Variants in TMSB15B observed in about 807,000 individuals in gnomAD.
The protein encoded by TMSB15B is thymosin beta-15B.
intron 1 of TMSB15B, among the ~76,000 whole-genome samples, chrX:103,929,852 A>ATTATT (rs782263221): frequency 6.3e-5 from 7 of 110,466 alleles, no homozygotes; most frequent in South Asian, 3.9e-4. Flanking sequence ...ATTTTTAAAA[A>ATTATT]TTATTTTATT....
intron 1 of TMSB15B, among the ~76,000 whole-genome samples, chrX:103,935,363 A>G (rs2074994777): frequency 1.8e-5 from 2 of 111,620 alleles, no homozygotes; most frequent in Admixed American, 1.9e-4. Context: ...CCATTTGTCA[A>G]TTTTGGCTTT....
chrX:103,934,700 A>G (rs782323874), intron 1 of TMSB15B, among the ~76,000 whole-genome samples: 36 of 111,744 alleles, frequency 3.2e-4, no homozygotes, highest in Non-Finnish European at 6.0e-4. Flanking sequence ...ATATTATTCC[A>G]TGGTGTATAT....
intron 1 of TMSB15B, among the ~76,000 whole-genome samples, chrX:103,933,838 T>C (rs2147819641): frequency 9.1e-6 from 1 of 109,830 alleles, no homozygotes; most frequent in East Asian, 2.8e-4. Flanking sequence ...TTCTCTCTTT[T>C]TTTTTTTTTT....
At chrX:103,949,152 G>A (rs1465034378) in intron 1 of TMSB15B, among the ~76,000 whole-genome samples, 1 of 111,125 alleles carries the variant, frequency 9.0e-6, no homozygotes, top group Non-Finnish European at 1.9e-5. Flanking sequence ...TAGCAAGAAG[G>A]CCACAGCTGT....
intron 1 of TMSB15B, among the ~76,000 whole-genome samples, chrX:103,948,868 A>T (rs1414709010): frequency 6.2e-5 from 7 of 112,372 alleles, no homozygotes; most frequent in Non-Finnish European, 1.1e-4. Context: ...GAAGACTGAA[A>T]TAAGATAATT....
intron 1 of TMSB15B, among the ~76,000 whole-genome samples, chrX:103,924,211 TGTG>T (rs1389221695): frequency 1.8e-5 from 2 of 111,204 alleles, no homozygotes; most frequent in African/African-American, 6.6e-5. Context: ...GGAAGACAAA[TGTG>T]GTCCTCATTC....
chrX:103,947,188 A>G (rs2075027778), intron 1 of TMSB15B, among the ~76,000 whole-genome samples: 1 of 112,197 alleles, frequency 8.9e-6, no homozygotes, highest in African/African-American at 3.2e-5. Context: ...AATGTAGCAC[A>G]TAAAGGAGAA....
chrX:103,924,831 G>A (rs1334004091), intron 1 of TMSB15B, among the ~76,000 whole-genome samples: 7 of 111,160 alleles, frequency 6.3e-5, no homozygotes, highest in Middle Eastern at 4.7e-3. Context: ...GGCAGGTCAG[G>A]GTACAGGTGA....
intron 1 of TMSB15B, chrX:103,931,099 A>G (rs1295612051): frequency 1.8e-5 from 2 of 111,646 alleles, no homozygotes; most frequent in Admixed American, 9.6e-5. Context: ...GTCAGACAGC[A>G]TTTGTCACCA....
At chrX:103,949,159 C>A (rs1429765984) in intron 1 of TMSB15B, among the ~76,000 whole-genome samples, 6 of 111,096 alleles carry the variant, frequency 5.4e-5, no homozygotes, top group African/African-American at 2.0e-4. Context: ...AAGGCCACAG[C>A]TGTGGCAGAA....
At chrX:103,921,704 A>G (rs1462881326) in intron 1 of TMSB15B, among the ~76,000 whole-genome samples, 1 of 112,371 alleles carries the variant, frequency 8.9e-6, no homozygotes, top group Non-Finnish European at 1.9e-5. Context: ...AGGTTTAGAG[A>G]TAAAGCTTTC....
intron 1 of TMSB15B, among the ~76,000 whole-genome samples, chrX:103,925,188 A>C (rs1281642226): frequency 1.8e-5 from 2 of 111,834 alleles, no homozygotes; most frequent in Admixed American, 9.5e-5. Context: ...GGTGGGTCTT[A>C]ATGTCCTGGT....
chrX:103,928,032 G>T, intron 1 of TMSB15B: 1 of 652,394 alleles, frequency 1.5e-6, no homozygotes, highest in Non-Finnish European at 2.3e-6. Context: ...GAATTAATTG[G>T]TCGCTCTAAT....
chrX:103,933,677 C>T (rs782211157), intron 1 of TMSB15B, among the ~76,000 whole-genome samples: 1 of 111,889 alleles, frequency 8.9e-6, no homozygotes, highest in Non-Finnish European at 1.9e-5. Context: ...TATCTTGTTT[C>T]ACTCCACATT....
intron 1 of TMSB15B, chrX:103,931,510 A>G (rs1159029287): frequency 5.4e-5 from 6 of 112,013 alleles, no homozygotes; most frequent in Admixed American, 1.9e-4. Flanking sequence ...TGTGAATTGC[A>G]TACATCAATT....
intron 1 of TMSB15B, among the ~76,000 whole-genome samples, chrX:103,942,137 C>G (rs2075014158): frequency 9.0e-6 from 1 of 111,405 alleles, no homozygotes; most frequent in Admixed American, 9.5e-5. Flanking sequence ...GTTATCAATC[C>G]TTTTTTATGG....
intron 1 of TMSB15B, among the ~76,000 whole-genome samples, chrX:103,947,886 G>T (rs1317356126): frequency 8.9e-6 from 1 of 111,735 alleles, no homozygotes; most frequent in Non-Finnish European, 1.9e-5. Flanking sequence ...CATGTCCTTT[G>T]CAGGGACATG....
At chrX:103,933,834 C>CT (rs371065088) in intron 1 of TMSB15B, among the ~76,000 whole-genome samples, 1,701 of 97,197 alleles carry the variant, frequency 0.018, 48 homozygotes, top group Admixed American at 0.08. Flanking sequence ...CTTTTTCTCT[C>CT]TTTTTTTTTT....
chrX:103,923,169 T>C (rs2082744049), intron 1 of TMSB15B, among the ~76,000 whole-genome samples: 1 of 112,094 alleles, frequency 8.9e-6, no homozygotes, highest in South Asian at 3.7e-4. Context: ...TTCACTCTGA[T>C]GGTAGTTTCT....
Sources: allele counts gnomAD v4.1 joint callset (sites outside exome capture counted in the v4.1 genomes callset), GRCh38; gene constraint gnomAD v4.1.1; transcripts MANE v1.5; gene names NCBI Gene and HGNC (gene_info 2026-07-23, HGNC 2026-07-21).